Variants in EXOC6B observed in about 807,000 individuals in gnomAD.
EXOC6B encodes exocyst complex component 6B, also known as SEC15 homolog B.
Under a neutral mutation model 113.5 loss-of-function variants are expected in EXOC6B, and 54 were observed. That is an observed-to-expected ratio of 0.48 (90% confidence interval 0.38 to 0.60). The LOEUF (loss-of-function observed/expected upper bound fraction) is 0.60. Among genes scored for constraint, EXOC6B ranks in the 20% least tolerant of loss-of-function variants. The pLI, the probability that EXOC6B is intolerant of heterozygous loss-of-function variation, is 0.00. For synonymous variants in EXOC6B, 357 were observed against 339.0 expected (o/e 1.05, Z -0.58); for missense variants, 797 against 977.5 (o/e 0.82, Z 2.46).
At chr2:72,763,989 G>A (rs900303446) in intron 1 of EXOC6B, among the ~76,000 whole-genome samples, 20 of 151,954 alleles carry the variant, frequency 1.3e-4, no homozygotes, top group African/African-American at 4.8e-4. Context: ...TGTGGTGGGA[G>A]GATCACTTGA....
At chr2:72,784,807 C>T (rs941587194) in intron 1 of EXOC6B, among the ~76,000 whole-genome samples, 2 of 152,130 alleles carry the variant, frequency 1.3e-5, no homozygotes, top group African/African-American at 4.8e-5. Flanking sequence ...CCTGGCCCCT[C>T]TAAATCTCAT....
chr2:72,339,602 C>G (rs936909784), intron 19 of EXOC6B, among the ~76,000 whole-genome samples: 1 of 152,154 alleles, frequency 6.6e-6, no homozygotes, highest in Non-Finnish European at 1.5e-5. Context: ...AAGCTTGGCT[C>G]TTCCCAGCAG....
chr2:72,671,747 CAGAGAAAGAAAGAAAG>C lies in EXOC6B; in HGVS notation c.669+46340_669+46355del, dbSNP rs1199735880. On this transcript the variant is annotated intron_variant, in intron 6 of 21. Coordinates refer to ENST00000272427, the MANE Select transcript of EXOC6B (RefSeq NM_015189.3). ...AGAAAGGAAGAAAGAGAGAGAGAGA[CAGAGAAAGAAAGAAAG>C]AAAGAAAGAAAGAAAGAAAGAAAGA... Among the ~76,000 whole-genome samples, 6 of 84,904 alleles carry C rather than the reference CAGAGAAAGAAAGAAAG, an allele frequency of 7.1e-5. No individual in the cohort carries two copies. In the East Asian group the frequency reaches 1.3e-3, roughly 18 times the overall value. The allele number at this position is 84,904 out of a possible 152,430, so 55.7% of individuals were successfully genotyped here. A position where few individuals can be genotyped will look rare whatever the true frequency, so the allele number is the denominator to read the frequency against.
At chr2:72,531,754 G>C (rs890635835) in intron 8 of EXOC6B, among the ~76,000 whole-genome samples, 1 of 152,134 alleles carries the variant, frequency 6.6e-6, no homozygotes, top group African/African-American at 2.4e-5. Context: ...GGGAGGCCAA[G>C]GTGGTTAGAT....
chr2:72,778,775 G>A lies in EXOC6B; in HGVS notation c.114-37306C>T, dbSNP rs1273565954. 2.0e-5 allele frequency among the ~76,000 whole-genome samples: 3 copies of A among 152,098 alleles called. No homozygotes were observed. The South Asian group carries it at 6.2e-4, about 32-fold the overall frequency. ...TTGGGGTAAAGACTATCATACACAA[G>A]TAAAGTTTTTCCCAAAATGTCATGT... On this transcript the variant is annotated intron_variant, in intron 1 of 21. Coordinates refer to ENST00000272427, the MANE Select transcript of EXOC6B (RefSeq NM_015189.3).
chr2:72,248,505 T>C (rs1339981348), intron 20 of EXOC6B, among the ~76,000 whole-genome samples: 1 of 152,186 alleles, frequency 6.6e-6, no homozygotes, highest in Non-Finnish European at 1.5e-5. Context: ...GTATCTGAAA[T>C]TGATTCAGCT....
rs1677947977 is a variant in EXOC6B, at chr2:72,179,431, C to T, written c.2340G>A (p.Met780Ile). The change falls in exon 22 of 22, where the codon ATG (methionine) becomes ATA (isoleucine). Residue 780 changes from methionine (M) to isoleucine (I), a missense_variant. Met to Ile is a conservative substitution (Grantham distance 10). Transcript: ENST00000272427. Reference protein sequence around the residue: ...KMKDTSRKNNMFAQFRKNERD... With the variant: ...KMKDTSRKNNIFAQFRKNERD... ...GCTCATTTTTCCGAAACTGTGCAAA[C>T]ATGTTGTTCTTGCGGCTAGTATCCT... 6.2e-7 allele frequency: 1 copy of T among 1,613,876 alleles called. No homozygotes were observed.
chr2:72,253,251 T>C (rs539269226), intron 20 of EXOC6B, among the ~76,000 whole-genome samples: 1 of 152,298 alleles, frequency 6.6e-6, no homozygotes, highest in Admixed American at 6.5e-5. Flanking sequence ...CTGGTGGGAA[T>C]GTAAATTAGT....
At chr2:72,397,569 G>A (rs1386877554) in intron 18 of EXOC6B, among the ~76,000 whole-genome samples, 10 of 148,674 alleles carry the variant, frequency 6.7e-5, no homozygotes, top group Admixed American at 1.3e-4. Context: ...GCAGTAAGCC[G>A]AGATCACGCC....
chr2:72,454,093 G>A (rs1046687778), intron 18 of EXOC6B, among the ~76,000 whole-genome samples: 10 of 152,116 alleles, frequency 6.6e-5, no homozygotes, highest in East Asian at 1.9e-4. Context: ...CCCCTGACAC[G>A]CGGGGATTAT....
chr2:72,530,450 T>C (rs1034303832), intron 8 of EXOC6B, among the ~76,000 whole-genome samples: 3 of 152,182 alleles, frequency 2.0e-5, no homozygotes, highest in African/African-American at 7.2e-5. Context: ...TCTGATTCCA[T>C]TGAGGTCTAT....
chr2:72,404,570 C>A (rs1693592573), intron 18 of EXOC6B, among the ~76,000 whole-genome samples: 1 of 152,182 alleles, frequency 6.6e-6, no homozygotes, highest in African/African-American at 2.4e-5. Context: ...TGTTCTGCAG[C>A]CTCCTCTACT....
At chr2:72,574,600 A>C (rs903912376) in intron 7 of EXOC6B, among the ~76,000 whole-genome samples, 3 of 151,966 alleles carry the variant, frequency 2.0e-5, no homozygotes, top group African/African-American at 7.2e-5. Flanking sequence ...AAGCACTTAC[A>C]AAAAAAAGGC....
rs67586747 is a variant in EXOC6B, at chr2:72,508,163, CAAAA to C, written c.1167+4965_1167+4968del. Among the ~76,000 whole-genome samples, 426 of 57,518 alleles carry C rather than the reference CAAAA, an allele frequency of 7.4e-3. 6 individuals carry two copies. Among genetic ancestry groups the C allele is most frequent in the Admixed American group, 0.07 (376 of 5,398 alleles). The allele number at this position is 57,518 out of a possible 152,430, so 37.7% of individuals were successfully genotyped here. A position where few individuals can be genotyped will look rare whatever the true frequency, so the allele number is the denominator to read the frequency against. On this transcript the variant is annotated intron_variant, in intron 11 of 21. Transcript: ENST00000272427. ...AAAACCTTCCACAAAATATTACCCG[CAAAA>C]AAAAAAAAAAAAAAAAAACACCTAA...
chr2:72,337,023 AG>A (rs1195497920), intron 19 of EXOC6B, among the ~76,000 whole-genome samples: 2 of 151,808 alleles, frequency 1.3e-5, no homozygotes, highest in East Asian at 3.9e-4. Flanking sequence ...AAAAAAAAAA[AG>A]TAAAATTCTA....
At chr2:72,220,684 TTGAAA>T (rs1383738474) in intron 20 of EXOC6B, among the ~76,000 whole-genome samples, 1 of 152,128 alleles carries the variant, frequency 6.6e-6, no homozygotes, top group Admixed American at 6.6e-5. Context: ...AAGAAAATAT[TTGAAA>T]TCAATTTACT....
chr2:72,459,156 C>CA (rs1398449998), intron 18 of EXOC6B, among the ~76,000 whole-genome samples: 2 of 152,068 alleles, frequency 1.3e-5, no homozygotes, highest in Admixed American at 1.3e-4. Context: ...AATTCAACAA[C>CA]CTTCATGCTA....
intron 20 of EXOC6B, among the ~76,000 whole-genome samples, chr2:72,271,048 G>T (rs1684451791): frequency 6.6e-6 from 1 of 152,162 alleles, no homozygotes; most frequent in Non-Finnish European, 1.5e-5. Flanking sequence ...GCTCCCTCCA[G>T]ATCTTTCTCT....
chr2:72,772,862 G>A (rs1173273471), intron 1 of EXOC6B, among the ~76,000 whole-genome samples: 2 of 151,982 alleles, frequency 1.3e-5, no homozygotes, highest in Non-Finnish European at 2.9e-5. Context: ...ACCAAAGCCA[G>A]AAGGATCACA....
Sources: gnomAD v4.1 joint callset for allele counts (sites outside exome capture counted in the v4.1 genomes callset) on GRCh38, gnomAD v4.1.1 for gene constraint, MANE v1.5 for transcripts, NCBI Gene and HGNC (gene_info 2026-07-23, HGNC 2026-07-21) for gene names.